XIRP2: variants seen among roughly 807,000 people sequenced by gnomAD.
XIRP2 encodes xin actin-binding repeat-containing protein 2.
A neutral mutation model predicts 277.0 loss-of-function variants in XIRP2; 236 were observed. The ratio of observed to expected loss-of-function variants is 0.85; its 90% CI spans 0.77 to 0.95. The LOEUF (loss-of-function observed/expected upper bound fraction) is 0.95, where lower values mean the gene tolerates loss of function less well. XIRP2 is among the 40% of genes least tolerant of loss of function. XIRP2 has a pLI of 0.00. For synonymous variants in XIRP2, 1,490 were observed against 1,416.5 expected, an observed-to-expected ratio of 1.05 and a Z score of -1.17; for missense variants, 4,640 against 4,157.5, an observed-to-expected ratio of 1.12 and a Z score of -3.19.
chr2:167,165,379 A>T (rs1287617491), intron 3 of XIRP2, among the ~76,000 whole-genome samples: 1 of 152,188 alleles, frequency 6.6e-6, no homozygotes, highest in Non-Finnish European at 1.5e-5. Context: ...TGATTGCTCA[A>T]TCATATGATA....
chr2:166,906,232 A>AG (rs1684520236), intron 2 of XIRP2, among the ~76,000 whole-genome samples: 1 of 152,068 alleles, frequency 6.6e-6, no homozygotes, highest in Admixed American at 6.6e-5. Context: ...TTGCTATGGA[A>AG]GGAAACCCTT....
chr2:166,952,189 G>A (rs1229801188), intron 2 of XIRP2, among the ~76,000 whole-genome samples: 1 of 151,888 alleles, frequency 6.6e-6, no homozygotes, highest in Non-Finnish European at 1.5e-5. Context: ...ATGATTTTAA[G>A]GTTTGCTGGC....
At chr2:167,120,040 G>A (rs1244498270) in intron 2 of XIRP2, among the ~76,000 whole-genome samples, 2 of 151,994 alleles carry the variant, frequency 1.3e-5, no homozygotes, top group Non-Finnish European at 2.9e-5. Context: ...ATCATAGAGC[G>A]CTAGTACTTC....
chr2:166,951,208 T>A (rs546567485), intron 2 of XIRP2, among the ~76,000 whole-genome samples: 181 of 152,092 alleles, frequency 1.2e-3, no homozygotes, highest in Non-Finnish European at 1.8e-3. Flanking sequence ...CGTTAGGCCA[T>A]TCTTGCACTG....
In XIRP2 at chr2:166,912,986, C is replaced by T. The variant is rs147231153; in HGVS notation, c.408+9096C>T. ...GGAAGCTTCGTCTCAGAGGGTTACT[C>T]GGCCGTGTGAGGTGTCAATCTGCCC... On this transcript the variant is annotated intron_variant, in intron 2 of 10. Coordinates refer to ENST00000409195, the MANE Select transcript of XIRP2 (RefSeq NM_152381.6). Among the ~76,000 whole-genome samples the T allele has an allele frequency of 6.4e-4, 98 of 152,280 alleles. No homozygotes were observed. In the East Asian group the frequency reaches 9.9e-3, roughly 15 times the overall value.
At chr2:167,215,512 T>C (rs1470416828) in intron 4 of XIRP2, among the ~76,000 whole-genome samples, 1 of 152,158 alleles carries the variant, frequency 6.6e-6, no homozygotes, top group Non-Finnish European at 1.5e-5. Flanking sequence ...AGATAGGCAC[T>C]ACATTTTTAA....
At chr2:167,006,861 T>C (rs1687516343) in intron 2 of XIRP2, among the ~76,000 whole-genome samples, 1 of 151,754 alleles carries the variant, frequency 6.6e-6, no homozygotes, top group Non-Finnish European at 1.5e-5. Flanking sequence ...CTTATCCTTC[T>C]CAAGGCCTCA....
At chr2:167,134,037 A>C (rs373830315) in intron 2 of XIRP2, among the ~76,000 whole-genome samples, 1 of 152,166 alleles carries the variant, frequency 6.6e-6, no homozygotes, top group African/African-American at 2.4e-5. Flanking sequence ...ACTCTAATGA[A>C]GACAGCATAC....
At chr2:167,208,091 G>A (rs1693912041) in intron 3 of XIRP2, among the ~76,000 whole-genome samples, 1 of 152,000 alleles carries the variant, frequency 6.6e-6, no homozygotes, top group East Asian at 1.9e-4. Flanking sequence ...GAACTTCTTC[G>A]GATTTTGGAT....
At chr2:167,058,714 G>A (rs373099451) in intron 2 of XIRP2, among the ~76,000 whole-genome samples, 16 of 152,290 alleles carry the variant, frequency 1.1e-4, no homozygotes, top group African/African-American at 3.8e-4. Context: ...ATGAAAACAC[G>A]TAATATGCTT....
chr2:167,097,154 C>G (rs995614246), intron 2 of XIRP2, among the ~76,000 whole-genome samples: 6 of 152,152 alleles, frequency 3.9e-5, no homozygotes, highest in African/African-American at 1.4e-4. Flanking sequence ...GTGTTAAAGT[C>G]TCCCACTGTT....
At chr2:166,961,960 T>C (rs983268561) in intron 2 of XIRP2, among the ~76,000 whole-genome samples, 1 of 151,570 alleles carries the variant, frequency 6.6e-6, no homozygotes, top group South Asian at 2.1e-4. Context: ...TTAAGGAAAA[T>C]TCAGTAAAAT....
At chr2:167,145,611 T>C (rs923065469) in intron 3 of XIRP2, among the ~76,000 whole-genome samples, 3 of 152,170 alleles carry the variant, frequency 2.0e-5, no homozygotes, top group Admixed American at 6.5e-5. Flanking sequence ...AAGAAATGAA[T>C]GTCAAATGTC....
intron 3 of XIRP2, among the ~76,000 whole-genome samples, chr2:167,169,326 G>C (rs780404077): frequency 1.3e-5 from 2 of 152,156 alleles, no homozygotes; most frequent in Non-Finnish European, 2.9e-5. Flanking sequence ...CAAAAATGTA[G>C]GGGCTCTCCT....
At chr2:167,024,360 T>C (rs1299526798) in intron 2 of XIRP2, among the ~76,000 whole-genome samples, 3 of 152,036 alleles carry the variant, frequency 2.0e-5, no homozygotes, top group Non-Finnish European at 4.4e-5. Context: ...TGGGCTGAGA[T>C]GATGGAGTTT....
chr2:167,078,356 A>T (rs553208361), intron 2 of XIRP2, among the ~76,000 whole-genome samples: 1 of 152,318 alleles, frequency 6.6e-6, no homozygotes, highest in East Asian at 1.9e-4. Context: ...GAAGCTTATC[A>T]GTTCAAGGAC....
chr2:167,173,868 G>A (rs895182496), intron 3 of XIRP2, among the ~76,000 whole-genome samples: 1 of 152,152 alleles, frequency 6.6e-6, no homozygotes, highest in Admixed American at 6.5e-5. Flanking sequence ...GATGATCAGT[G>A]ATGGTGAGCA....
At chr2:166,931,460 A>G (rs376275827) in intron 2 of XIRP2, among the ~76,000 whole-genome samples, 176 of 152,324 alleles carry the variant, frequency 1.2e-3, no homozygotes, top group African/African-American at 4.1e-3. Context: ...CTACTCTTCT[A>G]TCATAACAGA....
intron 5 of XIRP2, among the ~76,000 whole-genome samples, chr2:167,236,886 C>A (rs1375505045): frequency 1.3e-5 from 2 of 152,074 alleles, no homozygotes; most frequent in African/African-American, 4.8e-5. Context: ...TTCTACCTAA[C>A]CCTATACTCT....
Sources: allele counts gnomAD v4.1 joint callset (sites outside exome capture counted in the v4.1 genomes callset), GRCh38; gene constraint gnomAD v4.1.1; transcripts MANE v1.5; gene names NCBI Gene and HGNC (gene_info 2026-07-23, HGNC 2026-07-21).